The following UVRAG variants were observed in gnomAD, a reference collection of about 807,000 sequenced individuals.
The protein encoded by UVRAG is UV radiation resistance associated, also known as UV radiation resistance-associated gene protein.
UVRAG carries 19 observed loss-of-function variants against 78.0 expected under a neutral mutation model. The ratio of observed to expected loss-of-function variants is 0.24; its 90% confidence interval spans 0.17 to 0.36. The LOEUF (loss-of-function observed/expected upper bound fraction) is 0.36, where lower values mean the gene tolerates loss of function less well. Ranked by LOEUF, UVRAG falls within the 10% of genes least tolerant of loss-of-function variation. The probability of loss-of-function intolerance (pLI) is 1.00; values close to 1 mark genes in which losing one functional copy is unlikely to be tolerated. For missense variants in UVRAG, 740 were observed against 853.8 expected (o/e 0.87, Z 1.66); for synonymous variants, 323 against 324.6 (o/e 1.00, Z 0.05).
chr11:76,134,221 A>G (rs771155409), intron 14 of UVRAG, among the ~76,000 whole-genome samples: 133 of 150,248 alleles, frequency 8.9e-4, no homozygotes, highest in Admixed American at 5.4e-3. Context: ...TTGGCCTCCC[A>G]AAGTGCTGGG....
chr11:75,828,299 T>A (rs907119184), intron 1 of UVRAG, among the ~76,000 whole-genome samples: 1 of 152,068 alleles, frequency 6.6e-6, no homozygotes, highest in Non-Finnish European at 1.5e-5. Flanking sequence ...GTGATAGTCA[T>A]ACACTTCTAT....
chr11:75,952,736 G>A (rs906688474), intron 6 of UVRAG, among the ~76,000 whole-genome samples: 5 of 151,804 alleles, frequency 3.3e-5, no homozygotes, highest in African/African-American at 9.7e-5. Context: ...ATAATAATTG[G>A]TCTATAATTT....
At chr11:75,946,068 C>T (rs571899894) in intron 6 of UVRAG, among the ~76,000 whole-genome samples, 1 of 152,092 alleles carries the variant, frequency 6.6e-6, no homozygotes. Context: ...ATGCTCTGAT[C>T]TCTGTATTTT....
Position 76,108,237 on chromosome 11 carries a change from G to A in UVRAG, c.1306-7687G>A, listed in dbSNP as rs117026019. On this transcript the variant is annotated intron_variant, in intron 13 of 14. Transcript: ENST00000356136. The stretch of plus-strand genomic sequence containing the variant: ...ACTGCATTTCTCCTGTGCCAAAACC[G>A]AAATGACACAATGATTCCTGAATCC... Among the ~76,000 whole-genome samples, 13 of 152,198 alleles carry A rather than the reference G, an allele frequency of 8.5e-5. No homozygotes were observed. In the East Asian group the frequency reaches 2.5e-3, roughly 29 times the overall value.
chr11:76,044,362 A>T (rs954368719), intron 12 of UVRAG, among the ~76,000 whole-genome samples: 3 of 152,256 alleles, frequency 2.0e-5, no homozygotes, highest in Non-Finnish European at 4.4e-5. Flanking sequence ...AGAGCCTGAC[A>T]TGGAAACAAA....
At chr11:76,002,285 A>G (rs538838218) in intron 8 of UVRAG, among the ~76,000 whole-genome samples, 1 of 152,330 alleles carries the variant, frequency 6.6e-6, no homozygotes, top group African/African-American at 2.4e-5. Flanking sequence ...TATGGAACCA[A>G]TAAGCTGTAT....
chr11:75,977,079 C>T (rs1424638297), intron 7 of UVRAG, among the ~76,000 whole-genome samples: 4 of 152,160 alleles, frequency 2.6e-5, no homozygotes, highest in Non-Finnish European at 5.9e-5. Flanking sequence ...TCTTTGTTCT[C>T]ATTGGTTTCA....
chr11:75,871,515 C>T (rs1946651182), intron 3 of UVRAG, among the ~76,000 whole-genome samples: 1 of 151,970 alleles, frequency 6.6e-6, no homozygotes, highest in African/African-American at 2.4e-5. Flanking sequence ...AACTCCTGAT[C>T]TCAAGTGATC....
chr11:75,929,152 T>C (rs139141705), intron 6 of UVRAG, among the ~76,000 whole-genome samples: 2 of 152,138 alleles, frequency 1.3e-5, no homozygotes, highest in African/African-American at 4.8e-5. Context: ...TTTTACCATA[T>C]AGTATCCATA....
chr11:75,849,879 A>G (rs1011854929), intron 1 of UVRAG, among the ~76,000 whole-genome samples: 1 of 152,260 alleles, frequency 6.6e-6, no homozygotes, highest in African/African-American at 2.4e-5. Context: ...AAGCAAGCAA[A>G]GAGTGAAGCA....
At chr11:76,126,631 A>G (rs1257950570) in intron 14 of UVRAG, among the ~76,000 whole-genome samples, 2 of 152,240 alleles carry the variant, frequency 1.3e-5, no homozygotes, top group African/African-American at 4.8e-5. Flanking sequence ...TACTATAACA[A>G]TATATTGAGG....
intron 13 of UVRAG, among the ~76,000 whole-genome samples, chr11:76,103,024 G>A (rs1357113115): frequency 1.3e-5 from 2 of 152,128 alleles, no homozygotes; most frequent in Non-Finnish European, 2.9e-5. Flanking sequence ...CCATTTACTT[G>A]CTGGCCTTCA....
intron 6 of UVRAG, among the ~76,000 whole-genome samples, chr11:75,928,961 A>AAAAAAAAAAAAG (rs767893577): frequency 3.5e-5 from 5 of 142,934 alleles, no homozygotes; most frequent in South Asian, 2.2e-4. Flanking sequence ...AAAAAAAAAA[A>AAAAAAAAAAAAG]AAAGAATTGA....
intron 8 of UVRAG, among the ~76,000 whole-genome samples, chr11:76,002,359 T>A (rs537913926): frequency 7.2e-5 from 11 of 152,342 alleles, no homozygotes; most frequent in South Asian, 2.1e-4. Context: ...ATATTTTTTT[T>A]AATTTCCTTT....
intron 1 of UVRAG, among the ~76,000 whole-genome samples, chr11:75,828,414 G>T (rs1182731258): frequency 7.0e-6 from 1 of 143,516 alleles, no homozygotes; most frequent in Non-Finnish European, 1.5e-5. Flanking sequence ...TTTGATTCCA[G>T]CCTAGGCAAT....
intron 4 of UVRAG, among the ~76,000 whole-genome samples, chr11:75,883,871 A>G (rs1565362342): frequency 6.6e-6 from 1 of 152,232 alleles, no homozygotes; most frequent in Non-Finnish European, 1.5e-5. Flanking sequence ...AAAAACCGAT[A>G]GAGTTGAGTA....
chr11:75,827,419 G>T (rs113524722), intron 1 of UVRAG, among the ~76,000 whole-genome samples: 55 of 152,264 alleles, frequency 3.6e-4, no homozygotes, highest in African/African-American at 1.3e-3. Flanking sequence ...AGACTAGCCT[G>T]CCCAACATGG....
chr11:76,099,767 T>A (rs1276247442), intron 13 of UVRAG, among the ~76,000 whole-genome samples: 2 of 152,132 alleles, frequency 1.3e-5, no homozygotes, highest in Non-Finnish European at 1.5e-5. Context: ...TTCATTGTTA[T>A]TTATATAAAG....
At chr11:75,890,236 G>A (rs1947186507) in intron 5 of UVRAG, among the ~76,000 whole-genome samples, 1 of 152,336 alleles carries the variant, frequency 6.6e-6, no homozygotes, top group East Asian at 1.9e-4. Context: ...TTGCGTTTCA[G>A]TAATTTCATT....
Sources: gnomAD v4.1 joint callset for allele counts (sites outside exome capture counted in the v4.1 genomes callset) on GRCh38, gnomAD v4.1.1 for gene constraint, MANE v1.5 for transcripts, NCBI Gene and HGNC (gene_info 2026-07-23, HGNC 2026-07-21) for gene names.